The following NME8 variants were observed in gnomAD, a reference collection of about 807,000 sequenced individuals.
The protein encoded by NME8 is NME/NM23 family member 8.
In NME8, 72 loss-of-function variants were observed where a neutral mutation model predicts 82.3. That is an observed-to-expected ratio of 0.87 (90% CI 0.72 to 1.06). The LOEUF is 1.06. NME8 is among the 50% of genes least tolerant of loss of function. The pLI is 0.00. For synonymous variants in NME8, 267 were observed against 228.5 expected (o/e 1.17, Z -1.52); for missense variants, 712 against 685.4 (o/e 1.04, Z -0.43).
At chr7:37,859,992 C>T (rs114102306) in intron 6 of NME8, among the ~76,000 whole-genome samples, 2,949 of 152,232 alleles carry the variant, frequency 0.019, 98 homozygotes, top group African/African-American at 0.067. Context: ...TACGGGTCAG[C>T]ATTTTTAGCT....
chr7:37,865,003 A>G (rs1784656293), intron 9 of NME8, among the ~76,000 whole-genome samples: 1 of 152,204 alleles, frequency 6.6e-6, no homozygotes, highest in Non-Finnish European at 1.5e-5. Context: ...TTAAAATTCA[A>G]GGTGAGATTT....
chr7:37,848,622 G>A lies in NME8; in HGVS notation c.-347G>A, dbSNP rs1336554839. 1.3e-5 allele frequency: 2 copies of A among 152,468 alleles called. No homozygotes were observed. The highest frequency in any genetic ancestry group is 2.9e-5 in the Non-Finnish European group (2 of 68,246). The allele number at this position is 152,468 out of a possible 1,614,324, so 9.4% of individuals were successfully genotyped here. On this transcript the variant is annotated 5_prime_UTR_variant, in exon 1 of 18. Coordinates refer to ENST00000199447, the MANE Select transcript of NME8 (RefSeq NM_016616.5). Reference sequence around the variant, plus strand: ...GGAGTTTGGGGATGAGGCAGCTGAAGAACAGAGTCTTGTGATGGTGGAACC... The same window carrying A: ...GGAGTTTGGGGATGAGGCAGCTGAAAAACAGAGTCTTGTGATGGTGGAACC...
At chr7:37,897,169 C>G in intron 17 of NME8, 62 bp downstream of exon 17, 1 of 1,017,142 alleles carries the variant, frequency 9.8e-7, no homozygotes, top group Middle Eastern at 2.3e-4. Context: ...GAGGCTAGGA[C>G]AAACCTGTCC....
chr7:37,851,578 A>G (rs982452017), intron 5 of NME8, among the ~76,000 whole-genome samples: 4 of 152,212 alleles, frequency 2.6e-5, no homozygotes, highest in African/African-American at 9.6e-5. Context: ...ATATGCCATC[A>G]ATAATTTTAT....
intron 9 of NME8, among the ~76,000 whole-genome samples, chr7:37,864,832 A>G (rs1402501228): frequency 6.6e-6 from 1 of 152,178 alleles, no homozygotes; most frequent in Admixed American, 6.6e-5. Context: ...CGTGGATGGC[A>G]GCAGGCAAAG....
At chr7:37,893,508 C>T (rs1021086595) in intron 15 of NME8, among the ~76,000 whole-genome samples, 19 of 152,154 alleles carry the variant, frequency 1.2e-4, no homozygotes, top group Admixed American at 2.0e-4. Flanking sequence ...CCAGTCACTT[C>T]TTCCTGCCCT....
At chr7:37,896,729 G>T in intron 16 of NME8, 141 bp from the exon 17 acceptor site, 1 of 716,706 alleles carries the variant, frequency 1.4e-6, no homozygotes, top group Non-Finnish European at 2.5e-6. Context: ...ATGAAAAAAA[G>T]AAAGTACATG....
intron 5 of NME8, among the ~76,000 whole-genome samples, chr7:37,854,603 A>G (rs1283745901): frequency 3.3e-5 from 5 of 152,204 alleles, no homozygotes; most frequent in Admixed American, 6.5e-5. Context: ...AGTCAAAAGC[A>G]GTCTTGAATA....
intron 11 of NME8, 57 bp from the exon 12 acceptor site, chr7:37,876,775 G>A: frequency 8.1e-7 from 1 of 1,239,114 alleles, no homozygotes; most frequent in Non-Finnish European, 1.2e-6. Flanking sequence ...TAATTTGTTG[G>A]CATGGTTATA....
chr7:37,885,350 G>A (rs1785025506), intron 14 of NME8, 98 bp downstream of exon 14: 1 of 803,252 alleles, frequency 1.2e-6, no homozygotes, highest in Non-Finnish European at 2.2e-6. Flanking sequence ...TAGTCCAAGG[G>A]AGCTTCTCAG....
At position 37,888,370 on chromosome 7, in the gene NME8, C is replaced by A. The variant is rs201867197; in HGVS notation, c.1341C>A (p.Phe447Leu). ...CCGCTGAAAGGGAAATACAGCATTTCTTTCCTCTTCAAAGCACTTTAGGCT... is the reference window on the plus strand; with the variant it reads ...CCGCTGAAAGGGAAATACAGCATTTATTTCCTCTTCAAAGCACTTTAGGCT... ...LETAEREIQH[F>L]FPLQSTLGLI... Residue 447 changes from phenylalanine to leucine, a missense_variant, in exon 15 of 18, where the codon TTC becomes TTA. By Grantham distance (22) the Phe-to-Leu change is conservative (BLOSUM62 0). Coordinates refer to ENST00000199447, the MANE Select transcript of NME8 (RefSeq NM_016616.5). 8.7e-5 allele frequency: 140 copies of A among 1,613,400 alleles called. No individual in the cohort carries two copies. The highest frequency in any genetic ancestry group is 1.1e-4 in the Non-Finnish European group (135 of 1,179,536).
chr7:37,885,306 C>T (rs1457975036), intron 14 of NME8, 54 bp downstream of exon 14: 12 of 1,071,750 alleles, frequency 1.1e-5, no homozygotes, highest in Non-Finnish European at 1.6e-5. Context: ...ATTTTAAACA[C>T]CTTTTTAGAT....
At chr7:37,898,472 A>C (rs2131979022) in intron 17 of NME8, among the ~76,000 whole-genome samples, 1 of 152,346 alleles carries the variant, frequency 6.6e-6, no homozygotes, top group South Asian at 2.1e-4. Flanking sequence ...AAACTACCCA[A>C]GTGTCCATTA....
chr7:37,899,684 A>C (rs959029987), intron 17 of NME8, among the ~76,000 whole-genome samples: 2 of 152,182 alleles, frequency 1.3e-5, no homozygotes, highest in African/African-American at 4.8e-5. Flanking sequence ...AACTTAAAAT[A>C]AAGTTGAAGA....
intron 11 of NME8, 104 bp downstream of exon 11, chr7:37,868,002 G>A (rs964996702): frequency 7.7e-6 from 7 of 903,914 alleles, no homozygotes; most frequent in African/African-American, 6.6e-5. Flanking sequence ...TTATGTTAAA[G>A]GCATAAGTAT....
At chr7:37,892,522 C>T (rs1354273033) in intron 15 of NME8, among the ~76,000 whole-genome samples, 2 of 151,894 alleles carry the variant, frequency 1.3e-5, no homozygotes, top group African/African-American at 4.8e-5. Context: ...TATGTACACA[C>T]ACACACCTAC....
chr7:37,856,725 A>G (rs147425864), intron 5 of NME8, among the ~76,000 whole-genome samples: 68 of 152,324 alleles, frequency 4.5e-4, no homozygotes, highest in African/African-American at 1.3e-3. Flanking sequence ...TAATTTATTC[A>G]AGGAATGTTT....
At chr7:37,870,433 A>G (rs1214238792) in intron 11 of NME8, among the ~76,000 whole-genome samples, 2 of 151,824 alleles carry the variant, frequency 1.3e-5, no homozygotes, top group African/African-American at 2.4e-5. Flanking sequence ...GACTAAAAAC[A>G]CAAAAATTAG....
chr7:37,865,634 G>GA lies in NME8; in HGVS notation c.621+23dup. The stretch of plus-strand genomic sequence containing the variant: ...GCAGACCAGGTATGAAAGTTAAAAA[G>GA]AAAAAATCCTCTATGTGTTTAAATA... On this transcript the variant is annotated intron_variant, in intron 10 of 17. Coordinates refer to ENST00000199447, the MANE Select transcript of NME8 (RefSeq NM_016616.5). The GA allele has an allele frequency of 5.2e-6, 8 of 1,551,820 alleles. No individual in the cohort carries two copies. The highest frequency in any genetic ancestry group is 6.2e-6 in the Non-Finnish European group (7 of 1,123,490).
Sources: allele counts gnomAD v4.1 joint callset (sites outside exome capture counted in the v4.1 genomes callset), GRCh38; gene constraint gnomAD v4.1.1; transcripts MANE v1.5; gene names NCBI Gene and HGNC (gene_info 2026-07-23, HGNC 2026-07-21).